Variants in L3MBTL3 observed in about 807,000 individuals in gnomAD.
The protein encoded by L3MBTL3 is lethal(3)malignant brain tumor-like protein 3.
L3MBTL3 carries 27 observed loss-of-function variants against 102.3 expected under a neutral mutation model. The observed-to-expected ratio is 0.26, with a 90% CI of 0.19 to 0.36. The LOEUF (loss-of-function observed/expected upper bound fraction) is 0.36. Among genes scored for constraint, L3MBTL3 ranks in the 10% least tolerant of loss-of-function variants. The pLI is 1.00. For missense variants in L3MBTL3, 798 were observed against 955.3 expected, an observed-to-expected ratio of 0.84 and a Z score of 2.17; for synonymous variants, 340 against 320.9, an observed-to-expected ratio of 1.06 and a Z score of -0.64.
chr6:130,105,401 G>T (rs1784924809), intron 19 of L3MBTL3, among the ~76,000 whole-genome samples: 1 of 152,052 alleles, frequency 6.6e-6, no homozygotes, highest in Non-Finnish European at 1.5e-5. Flanking sequence ...TGGAGTAGGG[G>T]ACACCTACAA....
chr6:130,120,042 G>A (rs1234327467), intron 19 of L3MBTL3, among the ~76,000 whole-genome samples: 2 of 152,100 alleles, frequency 1.3e-5, no homozygotes, highest in Non-Finnish European at 2.9e-5. Flanking sequence ...ATTTGTAACG[G>A]TAACAGCATG....
intron 20 of L3MBTL3, among the ~76,000 whole-genome samples, chr6:130,124,453 C>T (rs113264505): frequency 0.017 from 2,654 of 152,282 alleles, 85 homozygotes; most frequent in African/African-American, 0.058. Flanking sequence ...TCAGTCTACT[C>T]TCTTGGTTTT....
At chr6:130,029,440 C>T (rs943559176) in intron 2 of L3MBTL3, among the ~76,000 whole-genome samples, 5 of 152,166 alleles carry the variant, frequency 3.3e-5, no homozygotes, top group Admixed American at 6.5e-5. Flanking sequence ...TCAGCAAAAA[C>T]GTCACAGTAA....
At chr6:130,066,551 T>TA in intron 11 of L3MBTL3, 63 bp downstream of exon 11, 2 of 1,395,646 alleles carry the variant, frequency 1.4e-6, no homozygotes, top group Non-Finnish European at 2.0e-6. Context: ...ACATGCTACA[T>TA]TAGAATTGTT....
intron 2 of L3MBTL3, among the ~76,000 whole-genome samples, chr6:130,023,255 T>C (rs967384926): frequency 1.3e-5 from 2 of 152,150 alleles, no homozygotes; most frequent in Non-Finnish European, 2.9e-5. Context: ...GACTAATTAT[T>C]GATATAAAAA....
intron 14 of L3MBTL3, among the ~76,000 whole-genome samples, chr6:130,079,889 G>A (rs986561817): frequency 2.6e-5 from 4 of 152,158 alleles, no homozygotes; most frequent in African/African-American, 9.7e-5. Flanking sequence ...AGGGAGGAAA[G>A]TCTCTGTCTT....
At chr6:130,081,482 A>C (rs1211310597) in intron 14 of L3MBTL3, among the ~76,000 whole-genome samples, 1 of 151,444 alleles carries the variant, frequency 6.6e-6, no homozygotes, top group South Asian at 2.1e-4. Context: ...GCAGTGGTAC[A>C]ATCTTGGCTC....
intron 2 of L3MBTL3, among the ~76,000 whole-genome samples, chr6:130,031,213 A>G (rs1186565180): frequency 6.6e-6 from 1 of 152,218 alleles, no homozygotes; most frequent in East Asian, 1.9e-4. Context: ...CTTCCCTGGT[A>G]TTAGACACTA....
rs139605963 is a variant in L3MBTL3 at position 130,081,136 on chromosome 6, T to C, written c.1322-2484T>C. Among the ~76,000 whole-genome samples the C allele has an allele frequency of 2.6e-5, 4 of 152,360 alleles. 1 individual carries two copies. The East Asian group carries it at 5.8e-4, about 22-fold the overall frequency. On this transcript the variant is annotated intron_variant, in intron 14 of 22. Transcript: ENST00000361794. The stretch of plus-strand genomic sequence containing the variant: ...TTTCAGAAATTAAAATCTTCATGCC[T>C]TTTAAAACTATTTTTATTTTGAATT...
At chr6:130,051,222 T>G (rs796520344) in intron 5 of L3MBTL3, 27 bp from the exon 6 acceptor site, 5 of 1,580,928 alleles carry the variant, frequency 3.2e-6, no homozygotes, top group South Asian at 1.1e-5. Context: ...ATGGTTGTAA[T>G]TTGCATTTCT....
At chr6:130,112,258 A>T (rs1327767704) in intron 19 of L3MBTL3, among the ~76,000 whole-genome samples, 1 of 152,168 alleles carries the variant, frequency 6.6e-6, no homozygotes, top group Non-Finnish European at 1.5e-5. Context: ...TTACTCTCCG[A>T]GTTGCCCTAA....
chr6:130,112,386 A>G lies in L3MBTL3; in HGVS notation c.1886+7811A>G, dbSNP rs1262215133. ...GCTGTATAACATTTCTGTTCAGTTAAAACTCCTACACTTTGAACTGTGAGA... is the reference window on the plus strand; with the variant it reads ...GCTGTATAACATTTCTGTTCAGTTAGAACTCCTACACTTTGAACTGTGAGA... On this transcript the variant is annotated intron_variant, in intron 19 of 22. Coordinates refer to ENST00000361794, the MANE Select transcript of L3MBTL3 (RefSeq NM_032438.4). 4.6e-5 allele frequency among the ~76,000 whole-genome samples: 7 copies of G among 152,306 alleles called. No individual in the cohort carries two copies. The East Asian group carries it at 1.4e-3, about 29-fold the overall frequency.
intron 22 of L3MBTL3, among the ~76,000 whole-genome samples, chr6:130,137,024 T>G (rs1474836044): frequency 6.6e-6 from 1 of 152,140 alleles, no homozygotes; most frequent in Non-Finnish European, 1.5e-5. Context: ...AAAAGTTTTT[T>G]GCTTGCTTGG....
chr6:130,072,111 T>A (rs148929439), intron 13 of L3MBTL3, among the ~76,000 whole-genome samples: 3,825 of 152,038 alleles, frequency 0.025, 66 homozygotes, highest in Middle Eastern at 0.061. Flanking sequence ...ATCCATGGAT[T>A]CAACCAACTG....
intron 6 of L3MBTL3, 116 bp downstream of exon 6, chr6:130,051,524 C>G (rs1350532748): frequency 1.1e-6 from 1 of 945,192 alleles, no homozygotes; most frequent in African/African-American, 1.6e-5. Context: ...TACCTTTTTC[C>G]CAGAGACTTT....
chr6:130,037,079 T>C lies in L3MBTL3; in HGVS notation c.-15-5606T>C, dbSNP rs145713470. 4.3e-4 allele frequency among the ~76,000 whole-genome samples: 66 copies of C among 152,308 alleles called. No individual in the cohort carries two copies. In the East Asian group the frequency reaches 0.011, roughly 26 times the overall value. On this transcript the variant is annotated intron_variant, in intron 2 of 22. Transcript: ENST00000361794. ...TGAAAAAAATAATTGAAATAATATA[T>C]GTAAATTGCTACTTTGAATCCTTTT...
intron 12 of L3MBTL3, 93 bp downstream of exon 12, chr6:130,068,514 AAATT>A (rs1212114021): frequency 3.0e-6 from 2 of 668,110 alleles, no homozygotes; most frequent in African/African-American, 3.6e-5. Context: ...GAACTATAAT[AAATT>A]TTATCGCCTT....
At chr6:130,060,929 C>T (rs991819478) in intron 10 of L3MBTL3, among the ~76,000 whole-genome samples, 4 of 151,916 alleles carry the variant, frequency 2.6e-5, no homozygotes, top group Non-Finnish European at 2.9e-5. Flanking sequence ...TTATACTATT[C>T]TTTAATTACC....
chr6:130,100,446 G>A (rs1784613111), intron 18 of L3MBTL3, among the ~76,000 whole-genome samples: 1 of 152,112 alleles, frequency 6.6e-6, no homozygotes, highest in Admixed American at 6.6e-5. Flanking sequence ...CCCAGAGTAG[G>A]TGTGAAAATG....
Sources: allele counts gnomAD v4.1 joint callset (sites outside exome capture counted in the v4.1 genomes callset), GRCh38; gene constraint gnomAD v4.1.1; transcripts MANE v1.5; gene names NCBI Gene and HGNC (gene_info 2026-07-23, HGNC 2026-07-21).